Variants in TTC33 observed in about 807,000 individuals in gnomAD.
TTC33 encodes the protein tetratricopeptide repeat protein 33.
In TTC33, 24 loss-of-function variants were observed where a neutral mutation model predicts 29.4. That is an observed-to-expected ratio of 0.82 (90% CI 0.59 to 1.15). TTC33 has a LOEUF of 1.15. TTC33 is among the 50% of genes most tolerant of loss of function. The pLI, the probability that TTC33 is intolerant of heterozygous loss-of-function variation, is 0.00. For missense variants in TTC33, 286 were observed against 310.4 expected (o/e 0.92, Z 0.59); for synonymous variants, 107 against 100.3 (o/e 1.07, Z -0.40).
At chr5:40,718,848 C>A (rs1392928819) in intron 4 of TTC33, among the ~76,000 whole-genome samples, 9 of 152,024 alleles carry the variant, frequency 5.9e-5, no homozygotes, top group African/African-American at 2.2e-4. Flanking sequence ...TTGCAGTGAG[C>A]CAAGATGGTA....
At chr5:40,748,302 T>G (rs1335113183) in intron 1 of TTC33, among the ~76,000 whole-genome samples, 1 of 152,080 alleles carries the variant, frequency 6.6e-6, no homozygotes, top group African/African-American at 2.4e-5. Context: ...GTTCAAACAA[T>G]TCTCCTGCCT....
intron 2 of TTC33, among the ~76,000 whole-genome samples, chr5:40,735,921 C>A (rs1208291359): frequency 6.6e-6 from 1 of 152,108 alleles, no homozygotes; most frequent in Non-Finnish European, 1.5e-5. Context: ...GATGGTTCAT[C>A]AAGAAATGGA....
At chr5:40,747,200 C>T (rs373072717) in intron 1 of TTC33, among the ~76,000 whole-genome samples, 181 bp from the exon 2 acceptor site, 2 of 151,736 alleles carry the variant, frequency 1.3e-5, no homozygotes, top group East Asian at 3.9e-4. Context: ...TGGGATTACA[C>T]TCATGCACCA....
At chr5:40,737,045 C>T (rs1248469795) in intron 2 of TTC33, among the ~76,000 whole-genome samples, 1 of 152,134 alleles carries the variant, frequency 6.6e-6, no homozygotes, top group South Asian at 2.1e-4. Flanking sequence ...CCTGTAATCC[C>T]AGCACTTTGG....
chr5:40,755,158 T>C (rs761700940), intron 1 of TTC33, among the ~76,000 whole-genome samples: 2 of 152,150 alleles, frequency 1.3e-5, no homozygotes, highest in Non-Finnish European at 1.5e-5. Flanking sequence ...AAGATCCCTA[T>C]AGTAGGCGCT....
At chr5:40,747,094 C>T (rs932835471) in intron 1 of TTC33, 75 bp from the exon 2 acceptor site, 332 of 1,339,426 alleles carry the variant, frequency 2.5e-4, no homozygotes, top group Non-Finnish European at 2.8e-4. Context: ...GTCTCACTCT[C>T]GTTGCCCAGG....
At chr5:40,719,441 T>C (rs6873054) in intron 4 of TTC33, among the ~76,000 whole-genome samples, 49,143 of 152,172 alleles carry the variant, frequency 0.32, 8,427 homozygotes, top group East Asian at 0.56. Flanking sequence ...ATTTTGTTTA[T>C]CTATTTGTCA....
chr5:40,723,335 A>C (rs957841875), intron 4 of TTC33, among the ~76,000 whole-genome samples: 2 of 151,868 alleles, frequency 1.3e-5, no homozygotes, highest in Non-Finnish European at 2.9e-5. Context: ...AAACCAGAGA[A>C]CTTTGTTCAC....
At chr5:40,721,057 G>A (rs150701198) in intron 4 of TTC33, among the ~76,000 whole-genome samples, 26 of 152,254 alleles carry the variant, frequency 1.7e-4, no homozygotes, top group East Asian at 5.8e-4. Context: ...TACAGTGAGC[G>A]AAGAAAATTC....
chr5:40,722,642 C>T (rs999405391), intron 4 of TTC33, among the ~76,000 whole-genome samples: 65 of 152,076 alleles, frequency 4.3e-4, no homozygotes, highest in African/African-American at 1.5e-3. Flanking sequence ...GCTGCCCCGT[C>T]TGGGAAGTGA....
intron 4 of TTC33, 26 bp from the exon 5 acceptor site, chr5:40,716,524 G>A: frequency 6.6e-7 from 1 of 1,514,680 alleles, no homozygotes; most frequent in Non-Finnish European, 8.9e-7. Context: ...AGAGTTTTTT[G>A]TTTTGGTTTT....
intron 2 of TTC33, among the ~76,000 whole-genome samples, chr5:40,742,720 G>T (rs1298506266): frequency 6.6e-6 from 1 of 152,102 alleles, no homozygotes; most frequent in Non-Finnish European, 1.5e-5. Flanking sequence ...CCAGAATAGA[G>T]CAATTATTAT....
chr5:40,717,708 T>A (rs549719343), intron 4 of TTC33, among the ~76,000 whole-genome samples: 7 of 152,332 alleles, frequency 4.6e-5, no homozygotes, highest in Admixed American at 2.6e-4. Flanking sequence ...TATATGTTGT[T>A]TTCTCTGAGT....
intron 2 of TTC33, among the ~76,000 whole-genome samples, chr5:40,734,174 CT>C (rs1442607470): frequency 6.6e-6 from 1 of 152,200 alleles, no homozygotes; most frequent in East Asian, 1.9e-4. Context: ...TCTCATTTCT[CT>C]TTGGTTTACT....
chr5:40,746,868 G>T lies in TTC33; in HGVS notation c.151C>A (p.Leu51Ile). Reference protein sequence around the residue: ...LHAIKRRKEILLEGCAEKSKQ... With the variant: ...LHAIKRRKEIILEGCAEKSKQ... ...CTTTTCTCAGCACAGCCTTCAAGAA[G>T]AATTTCTTTCCTACGTTTAATGGCA... is the stretch of plus-strand genomic sequence containing the variant. Residue 51 changes from leucine (L) to isoleucine (I), a missense_variant, in exon 2 of 5, where the codon CTT (leucine) becomes ATT (isoleucine). Transcript: ENST00000337702. 6.2e-7 allele frequency: 1 copy of T among 1,614,008 alleles called. No homozygotes were observed. The highest frequency in any genetic ancestry group is 8.5e-7 in the Non-Finnish European group (1 of 1,180,014).
chr5:40,729,552 A>G (rs780675417), intron 3 of TTC33, among the ~76,000 whole-genome samples: 2 of 152,218 alleles, frequency 1.3e-5, no homozygotes, highest in Non-Finnish European at 1.5e-5. Context: ...GGACTAAGCC[A>G]TTTTTAGAAA....
chr5:40,754,281 G>A (rs961212838), intron 1 of TTC33, among the ~76,000 whole-genome samples: 2 of 152,132 alleles, frequency 1.3e-5, no homozygotes, highest in Non-Finnish European at 2.9e-5. Flanking sequence ...CAATCGACAA[G>A]TTTAACCTGA....
rs1741928590 is a variant in TTC33, at chr5:40,713,077, C to A, written c.*3068G>T. Among the ~76,000 whole-genome samples, 1 of 151,902 alleles carries A rather than the reference C, an allele frequency of 6.6e-6. No homozygotes were observed. The highest frequency in any genetic ancestry group is 2.1e-4 in the South Asian group (1 of 4,816). On this transcript the variant is annotated 3_prime_UTR_variant, in exon 5 of 5. Transcript: ENST00000337702. ...TAAAATTCTTTATTATCAAATACATCAGTTTAATAATAATCTCTAAGGAAG... is the reference window on the plus strand; with the variant it reads ...TAAAATTCTTTATTATCAAATACATAAGTTTAATAATAATCTCTAAGGAAG...
intron 4 of TTC33, among the ~76,000 whole-genome samples, chr5:40,716,984 T>C (rs1188595456): frequency 2.6e-5 from 4 of 152,164 alleles, no homozygotes; most frequent in African/African-American, 9.7e-5. Flanking sequence ...ATCCCAGCAC[T>C]TTGGGAGGCT....
Sources: gnomAD v4.1 joint callset for allele counts (sites outside exome capture counted in the v4.1 genomes callset) on GRCh38, gnomAD v4.1.1 for gene constraint, MANE v1.5 for transcripts, NCBI Gene and HGNC (gene_info 2026-07-23, HGNC 2026-07-21) for gene names.